The following SOX5 variants were observed in gnomAD, a reference collection of about 807,000 sequenced individuals.
The protein encoded by SOX5 is SRY-box transcription factor 5.
In SOX5, 9 loss-of-function variants were observed where a neutral mutation model predicts 92.0. That is an observed-to-expected ratio of 0.10 (90% confidence interval 0.06 to 0.17). The LOEUF is 0.17. Ranked by LOEUF, SOX5 falls within the 10% of genes least tolerant of loss-of-function variation. The pLI, the probability that SOX5 is intolerant of heterozygous loss-of-function variation, is 1.00. For synonymous variants in SOX5, 344 were observed against 336.3 expected, an observed-to-expected ratio of 1.02 and a Z score of -0.25; for missense variants, 642 against 944.5, an observed-to-expected ratio of 0.68 and a Z score of 4.20.
chr12:24,470,093 T>C (rs1226142332), intron 1 of SOX5, among the ~76,000 whole-genome samples: 1 of 152,240 alleles, frequency 6.6e-6, no homozygotes, highest in African/African-American at 2.4e-5. Context: ...TGAATAATCT[T>C]AAAGCATCAA....
chr12:23,802,302 G>T (rs892506069), intron 3 of SOX5, among the ~76,000 whole-genome samples: 2 of 151,878 alleles, frequency 1.3e-5, no homozygotes, highest in African/African-American at 2.4e-5. Flanking sequence ...GGATGGTCTC[G>T]ATCTCCTGAC....
intron 4 of SOX5, among the ~76,000 whole-genome samples, chr12:24,156,627 G>C (rs1952199701): frequency 6.6e-6 from 1 of 152,040 alleles, no homozygotes; most frequent in Non-Finnish European, 1.5e-5. Context: ...TAATGCTTAA[G>C]AAACTATAAT....
intron 1 of SOX5, among the ~76,000 whole-genome samples, chr12:24,512,649 T>A (rs2138337789): frequency 6.6e-6 from 1 of 152,316 alleles, no homozygotes; most frequent in African/African-American, 2.4e-5. Flanking sequence ...ATTCTAGTCT[T>A]AACTTTGCTG....
intron 3 of SOX5, among the ~76,000 whole-genome samples, chr12:23,840,211 G>C (rs572181004): frequency 6.6e-6 from 1 of 151,684 alleles, no homozygotes; most frequent in African/African-American, 2.4e-5. Flanking sequence ...AAATTAAAAA[G>C]ACAATATAAT....
At chr12:24,099,913 C>T (rs1166166507) in intron 4 of SOX5, among the ~76,000 whole-genome samples, 1 of 152,108 alleles carries the variant, frequency 6.6e-6, no homozygotes, top group Non-Finnish European at 1.5e-5. Context: ...TTTGTTTGGT[C>T]AGCTGTAAAA....
chr12:24,509,344 T>G (rs1195935136), intron 1 of SOX5, among the ~76,000 whole-genome samples: 1 of 152,198 alleles, frequency 6.6e-6, no homozygotes, highest in Non-Finnish European at 1.5e-5. Context: ...TTGCTTCATC[T>G]TTTTCTCTCC....
chr12:24,079,778 T>C (rs1047302366), intron 4 of SOX5, among the ~76,000 whole-genome samples: 3 of 151,980 alleles, frequency 2.0e-5, no homozygotes, highest in Admixed American at 6.6e-5. Context: ...TATAGCATGA[T>C]TGAGCTGGTC....
intron 3 of SOX5, among the ~76,000 whole-genome samples, chr12:23,769,378 G>A (rs1236500058): frequency 1.3e-5 from 2 of 151,450 alleles, no homozygotes; most frequent in Non-Finnish European, 2.9e-5. Context: ...AAAAAAATAA[G>A]AGGGGAAAAA....
At chr12:24,481,455 T>G (rs1201309525) in intron 1 of SOX5, among the ~76,000 whole-genome samples, 1 of 152,198 alleles carries the variant, frequency 6.6e-6, no homozygotes, top group Non-Finnish European at 1.5e-5. Context: ...GATAAGTGCT[T>G]GAGGGGATGA....
intron 2 of SOX5, among the ~76,000 whole-genome samples, chr12:23,863,725 T>C (rs1368742434): frequency 6.6e-6 from 1 of 152,048 alleles, no homozygotes; most frequent in African/African-American, 2.4e-5. Flanking sequence ...ATTTCAATTT[T>C]CTTAACTTGT....
At chr12:23,573,677 G>A (rs1461647072) in intron 10 of SOX5, among the ~76,000 whole-genome samples, 2 of 152,106 alleles carry the variant, frequency 1.3e-5, no homozygotes, top group Non-Finnish European at 2.9e-5. Context: ...CTTGAGTTGG[G>A]CTGGACTTAA....
In SOX5 at chr12:24,361,749, T is replaced by C. The variant is rs1441140712; in HGVS notation, c.-174+6814A>G. Among the ~76,000 whole-genome samples, 3 of 152,202 alleles carry C rather than the reference T, an allele frequency of 2.0e-5. No individual in the cohort carries two copies. The East Asian group carries it at 5.8e-4, about 29-fold the overall frequency. On this transcript the variant is annotated intron_variant, in intron 2 of 4. Coordinates refer to the SOX5 transcript ENST00000446891. ...GTGGAATTTTAAACGATGGTTAAAA[T>C]TGACAGGACAAACTGAGCCCTGTAA...
intron 1 of SOX5, among the ~76,000 whole-genome samples, chr12:24,432,233 T>G (rs1402044054): frequency 6.6e-6 from 1 of 152,178 alleles, no homozygotes; most frequent in Non-Finnish European, 1.5e-5. Context: ...TTACTGGTGC[T>G]GTAAGTCTGG....
intron 3 of SOX5, among the ~76,000 whole-genome samples, chr12:24,270,347 C>A (rs1334248394): frequency 1.3e-5 from 2 of 152,138 alleles, no homozygotes; most frequent in African/African-American, 4.8e-5. Flanking sequence ...GTGTAAGCAC[C>A]ACGCCTGGCC....
chr12:23,957,339 T>C (rs1946395920), intron 4 of SOX5, among the ~76,000 whole-genome samples: 1 of 152,216 alleles, frequency 6.6e-6, no homozygotes, highest in South Asian at 2.1e-4. Context: ...CTATTTGTGA[T>C]TCTGAAAAAA....
intron 1 of SOX5, chr12:23,920,579 T>C (rs749189721): frequency 6.6e-6 from 1 of 152,248 alleles, no homozygotes; most frequent in Non-Finnish European, 1.5e-5. Flanking sequence ...AGTAGAAGCT[T>C]CTTGACATTG....
intron 1 of SOX5, among the ~76,000 whole-genome samples, chr12:24,380,350 T>C (rs1957700825): frequency 6.6e-6 from 1 of 152,250 alleles, no homozygotes; most frequent in African/African-American, 2.4e-5. Context: ...TTTGTTTTGA[T>C]GTCGGATTAT....
intron 1 of SOX5, among the ~76,000 whole-genome samples, chr12:24,470,506 A>G (rs1164824502): frequency 1.3e-5 from 2 of 150,442 alleles, no homozygotes; most frequent in South Asian, 4.3e-4. Context: ...ACAGCTTTTC[A>G]TTCATAAGGG....
intron 12 of SOX5, among the ~76,000 whole-genome samples, 192 bp from the exon 13 acceptor site, chr12:23,543,576 T>G (rs1481127475): frequency 6.6e-6 from 1 of 152,208 alleles, no homozygotes; most frequent in Admixed American, 6.5e-5. Context: ...AATGTTATAT[T>G]TGTATTTTTA....
Sources: allele counts gnomAD v4.1 joint callset (sites outside exome capture counted in the v4.1 genomes callset), GRCh38; gene constraint gnomAD v4.1.1; transcripts MANE v1.5; gene names NCBI Gene and HGNC (gene_info 2026-07-23, HGNC 2026-07-21).